Variants in GABRA6 observed in about 807,000 individuals in gnomAD.
GABRA6 encodes gamma-aminobutyric acid receptor subunit alpha-6.
GABRA6 carries 45 observed loss-of-function variants against 47.3 expected under a neutral mutation model. The observed-to-expected ratio is 0.95, with a 90% confidence interval of 0.75 to 1.22. The LOEUF is 1.22. GABRA6 is among the 50% of genes most tolerant of loss of function. GABRA6 has a pLI of 0.00. For synonymous variants in GABRA6, 219 were observed against 194.7 expected, an observed-to-expected ratio of 1.12 and a Z score of -1.04; for missense variants, 583 against 549.3, an observed-to-expected ratio of 1.06 and a Z score of -0.61.
At position 161,701,537 on chromosome 5, in the gene GABRA6, T is replaced by G. The variant is rs1207597728; in HGVS notation, c.1126T>G (p.Ser376Ala). 1.2e-6 allele frequency: 2 copies of G among 1,614,062 alleles called. No individual in the cohort carries two copies. The highest frequency in any genetic ancestry group is 4.5e-5 in the East Asian group (2 of 44,898). Reference protein sequence around the residue: ...SKYHLKKRITSLSLPIVSSSE... With the variant: ...SKYHLKKRITALSLPIVSSSE... ...ATATCATCTGAAGAAAAGGATCACT[T>G]CTCTGTCTTTGCCAATAGTTTCATC... The change falls in exon 9 of 9, where the codon TCT becomes GCT. Residue 376 changes from serine to alanine, a missense_variant. Transcript: ENST00000274545.
Position 161,686,271 on chromosome 5 carries a change from T to G in GABRA6, c.80T>G (p.Phe27Cys). The G allele has an allele frequency of 1.2e-6, 2 of 1,614,062 alleles. No individual in the cohort carries two copies. Among genetic ancestry groups the G allele is most frequent in the Non-Finnish European group, 1.7e-6 (2 of 1,179,936 alleles). The change falls in exon 2 of 9, where the codon TTC becomes TGC. Residue 27 changes from phenylalanine (F) to cysteine (C), a missense_variant. By Grantham distance (205) the Phe-to-Cys change is radical (BLOSUM62 -2). Coordinates refer to ENST00000274545, the MANE Select transcript of GABRA6 (RefSeq NM_000811.3). ...ALGKLEVEGN[F>C]YSENVSRILD... ...GGGAAACTCGAAGTTGAAGGCAACT[T>G]CTACTCAGAAAACGTCAGTCGGATC... is the stretch of plus-strand genomic sequence containing the variant.
chr5:161,686,396 C>G, intron 2 of GABRA6, 48 bp downstream of exon 2: 1 of 1,413,016 alleles, frequency 7.1e-7, no homozygotes. Flanking sequence ...TTTCCTTCCT[C>G]CGTTTCTGCC....
At position 161,691,941 on chromosome 5, in the gene GABRA6, G is replaced by A. The variant is rs2113075311; in HGVS notation, c.827G>A (p.Gly276Glu). The A allele has an allele frequency of 6.2e-7, 1 of 1,612,608 alleles. No homozygotes were observed. The highest frequency in any genetic ancestry group is 1.3e-5 in the African/African-American group (1 of 74,864). Residue 276 changes from glycine (G) to glutamate (E), a missense_variant and splice_region_variant, in exon 8 of 9, where the codon GGG (glycine) becomes GAG (glutamate). By Grantham distance (98) the Gly-to-Glu change is moderately conservative (BLOSUM62 -2). Coordinates refer to ENST00000274545, the MANE Select transcript of GABRA6 (RefSeq NM_000811.3). ...KESVPARTVF[G>E]ITTVLTMTTL... ...CAATTCCTATTCTTTTTTATTTTAGGGATCACCACTGTTTTAACTATGACC... is the reference window on the plus strand; with the variant it reads ...CAATTCCTATTCTTTTTTATTTTAGAGATCACCACTGTTTTAACTATGACC...
intron 7 of GABRA6, among the ~76,000 whole-genome samples, chr5:161,691,427 C>A (rs1008111193): frequency 2.0e-5 from 3 of 150,816 alleles, no homozygotes; most frequent in Non-Finnish European, 4.4e-5. Flanking sequence ...TCCGGAGTAG[C>A]TGGGACTACA....
At chr5:161,694,191 G>A (rs1350368504) in intron 8 of GABRA6, among the ~76,000 whole-genome samples, 1 of 151,364 alleles carries the variant, frequency 6.6e-6, no homozygotes, top group African/African-American at 2.4e-5. Context: ...ATGCATATAA[G>A]TATATAATCT....
intron 8 of GABRA6, among the ~76,000 whole-genome samples, chr5:161,692,728 T>A (rs1754815311): frequency 6.6e-6 from 1 of 152,196 alleles, no homozygotes; most frequent in African/African-American, 2.4e-5. Flanking sequence ...AACATTTTCA[T>A]ATTCACATTT....
At position 161,691,288 on chromosome 5, in the gene GABRA6, C is replaced by CTTTTTT. The variant is rs1160422481; in HGVS notation, c.827-633_827-628dup. Among the ~76,000 whole-genome samples, 255 of 84,718 alleles carry CTTTTTT rather than the reference C, an allele frequency of 3.0e-3. 1 individual carries two copies. The highest frequency in any genetic ancestry group is 4.8e-3 in the South Asian group (9 of 1,872). The allele number at this position is 84,718 out of a possible 152,430, so 55.6% of individuals were successfully genotyped here. On this transcript the variant is annotated intron_variant, in intron 7 of 8. Coordinates refer to ENST00000274545, the MANE Select transcript of GABRA6 (RefSeq NM_000811.3). ...TTCAAGTTTTTTTTCTTTTTCTTTC[C>CTTTTTT]TTTTTTTTTTTTTTTTTTTTTTTTT...
At chr5:161,691,374 C>T (rs1401385102) in intron 7 of GABRA6, among the ~76,000 whole-genome samples, 6 of 141,790 alleles carry the variant, frequency 4.2e-5, no homozygotes, top group Non-Finnish European at 9.0e-5. Context: ...CGGCTCACTG[C>T]AGGCTCCGCC....
At chr5:161,697,795 C>T (rs537750216) in intron 8 of GABRA6, among the ~76,000 whole-genome samples, 8 of 152,256 alleles carry the variant, frequency 5.3e-5, no homozygotes, top group Admixed American at 1.3e-4. Context: ...TTGTTAAGAG[C>T]GCGGTCTGTG....
Position 161,689,631 on chromosome 5 carries a change from T to C in GABRA6, c.530-5T>C, listed in dbSNP as rs1246497942. The C allele has an allele frequency of 2.5e-6, 4 of 1,605,534 alleles. No individual in the cohort carries two copies. The Admixed American group carries it at 6.7e-5, about 27-fold the overall frequency. On this transcript the variant is annotated splice_polypyrimidine_tract_variant and splice_region_variant and intron_variant, in intron 5 of 8. Transcript: ENST00000274545. Reference sequence around the variant, plus strand: ...TGCTATATTTAATTTGTTTCAAATATTTAGATGCTTATCCCAAAAGTGAAA... The same window carrying C: ...TGCTATATTTAATTTGTTTCAAATACTTAGATGCTTATCCCAAAAGTGAAA...
At chr5:161,696,459 A>C (rs967301136) in intron 8 of GABRA6, among the ~76,000 whole-genome samples, 1 of 151,292 alleles carries the variant, frequency 6.6e-6, no homozygotes, top group African/African-American at 2.4e-5. Flanking sequence ...AATTAAGACC[A>C]TTAAAGACTC....
chr5:161,692,025 A>G lies in GABRA6; in HGVS notation c.911A>G (p.Asp304Gly). The change falls in exon 8 of 9, where the codon GAT becomes GGT. Residue 304 changes from aspartate (D) to glycine (G), a missense_variant. Transcript: ENST00000274545. ...AAAGTGTCATATGCCACTGCCATGG[A>G]TTGGTTCATAGCTGTTTGCTTTGCA... Reference protein sequence around the residue: ...LPKVSYATAMDWFIAVCFAFV... With the variant: ...LPKVSYATAMGWFIAVCFAFV... 1 of 1,614,146 alleles carries G rather than the reference A, an allele frequency of 6.2e-7. No homozygotes were observed. Among genetic ancestry groups the G allele is most frequent in the Non-Finnish European group, 8.5e-7 (1 of 1,180,016 alleles).
At chr5:161,692,342 G>A in intron 8 of GABRA6, 142 bp downstream of exon 8, 1 of 928,230 alleles carries the variant, frequency 1.1e-6, no homozygotes, top group Non-Finnish European at 1.7e-6. Context: ...GCCAGTTTCT[G>A]TTCCAACTTC....
In GABRA6 at chr5:161,689,115, C is replaced by T. The variant is rs770297519; in HGVS notation, c.392C>T (p.Thr131Ile). The T allele has an allele frequency of 6.2e-7, 1 of 1,613,954 alleles. No individual in the cohort carries two copies. Among genetic ancestry groups the T allele is most frequent in the African/African-American group, 1.3e-5 (1 of 74,922 alleles). The change falls in exon 4 of 9, where the codon ACT becomes ATT. Residue 131 changes from threonine (T) to isoleucine (I), a missense_variant. By Grantham distance (89) the Thr-to-Ile change is moderately conservative. Transcript: ENST00000274545. Reference protein sequence around the residue: ...GKKSIAHNMTTPNKLFRIMQN... With the variant: ...GKKSIAHNMTIPNKLFRIMQN... ...AAGTCCATTGCTCACAACATGACAA[C>T]TCCTAATAAACTCTTCAGAATAATG...
In GABRA6 at chr5:161,689,647, A is replaced by T; in HGVS notation, c.541A>T (p.Lys181Ter). The change falls in exon 6 of 9, where the codon AAA (lysine) becomes TAA (stop). Residue 181 changes from lysine (K) to a stop codon, truncating the protein, a stop_gained. Coordinates refer to ENST00000274545, the MANE Select transcript of GABRA6 (RefSeq NM_000811.3). LOFTEE classifies it high-confidence loss of function. ...TTTCAAATATTTAGATGCTTATCCC[A>T]AAAGTGAAATCATATATACGTGGAA... is the stretch of plus-strand genomic sequence containing the variant. ...PLKFGSYAYP[K>*]SEIIYTWKKG... is the part of the protein sequence containing the mutation. The T allele has an allele frequency of 6.2e-7, 1 of 1,609,010 alleles. No individual in the cohort carries two copies.
chr5:161,697,362 A>G (rs1754901724), intron 8 of GABRA6, among the ~76,000 whole-genome samples: 1 of 152,238 alleles, frequency 6.6e-6, no homozygotes, highest in African/African-American at 2.4e-5. Flanking sequence ...TCAGAAATTC[A>G]GCGTGTTCCT....
At position 161,692,178 on chromosome 5, in the gene GABRA6, C is replaced by G; in HGVS notation, c.1064C>G (p.Pro355Arg). The G allele has an allele frequency of 1.2e-6, 2 of 1,614,162 alleles. No homozygotes were observed. Among genetic ancestry groups the G allele is most frequent in the East Asian group, 2.2e-5 (1 of 44,886 alleles). Residue 355 changes from proline (P) to arginine (R), a missense_variant, in exon 8 of 9, where the codon CCT becomes CGT. Transcript: ENST00000274545. Reference protein sequence around the residue: ...PTVTISKATEPLEAEIVLHPD... With the variant: ...PTVTISKATERLEAEIVLHPD... ...GTGACAATATCAAAAGCTACTGAAC[C>G]TTTGGAAGCTGAGATTGTTTTGGTA... is the stretch of plus-strand genomic sequence containing the variant.
At chr5:161,691,644 C>G (rs1318759558) in intron 7 of GABRA6, among the ~76,000 whole-genome samples, 1 of 151,928 alleles carries the variant, frequency 6.6e-6, no homozygotes, top group African/African-American at 2.4e-5. Flanking sequence ...TACAAGTTCT[C>G]TCAAGCCCTA....
chr5:161,690,079 T>C (rs1170809689), intron 6 of GABRA6, 122 bp from the exon 7 acceptor site: 2 of 921,636 alleles, frequency 2.2e-6, no homozygotes, highest in East Asian at 5.0e-5. Flanking sequence ...TATACTGAAA[T>C]GTACCTTTGC....
Sources: allele counts gnomAD v4.1 joint callset (sites outside exome capture counted in the v4.1 genomes callset), GRCh38; gene constraint gnomAD v4.1.1; transcripts MANE v1.5; gene names NCBI Gene and HGNC (gene_info 2026-07-23, HGNC 2026-07-21).